The following MYT1L variants were observed in gnomAD, a reference collection of about 807,000 sequenced individuals.
MYT1L encodes the protein myelin transcription factor 1 like.
Under a neutral mutation model 126.7 loss-of-function variants are expected in MYT1L, and 12 were observed. That is an observed-to-expected ratio of 0.09 (90% CI 0.06 to 0.15). MYT1L has a LOEUF of 0.15. Ranked by LOEUF, MYT1L falls within the 10% of genes least tolerant of loss-of-function variation. The probability of loss-of-function intolerance (pLI) is 1.00; values close to 1 mark genes in which losing one functional copy is unlikely to be tolerated. For missense variants in MYT1L, 979 were observed against 1,585.2 expected, an observed-to-expected ratio of 0.62 and a Z score of 6.49; for synonymous variants, 541 against 604.2, an observed-to-expected ratio of 0.90 and a Z score of 1.53.
chr2:2,168,723 G>T (rs1243876577), intron 3 of MYT1L, among the ~76,000 whole-genome samples: 1 of 152,078 alleles, frequency 6.6e-6, no homozygotes. Flanking sequence ...CCCTGAGCGT[G>T]TTTTACTCCA....
intron 3 of MYT1L, among the ~76,000 whole-genome samples, chr2:2,062,675 A>G (rs539875058): frequency 1.3e-5 from 2 of 152,292 alleles, no homozygotes; most frequent in South Asian, 4.2e-4. Context: ...TTGTCTTGAC[A>G]CCCAACTAAT....
chr2:2,045,357 A>C (rs558361263), intron 4 of MYT1L, among the ~76,000 whole-genome samples: 1 of 152,346 alleles, frequency 6.6e-6, no homozygotes, highest in Admixed American at 6.5e-5. Context: ...GTGCTGAAAC[A>C]GCAAGCCTCC....
At position 1,865,253 on chromosome 2, in the gene MYT1L, G is replaced by A. The variant is rs1369072666; in HGVS notation, c.2712-13550C>T. Among the ~76,000 whole-genome samples, 6 of 152,270 alleles carry A rather than the reference G, an allele frequency of 3.9e-5. No homozygotes were observed. The South Asian group carries it at 6.2e-4, about 16-fold the overall frequency. On this transcript the variant is annotated intron_variant, in intron 18 of 24. Transcript: ENST00000647738. ...GCACTGGATGTGAGAGGGGGCTGACGGGGCTGAGGGACACCCCCTCCAGCC... is the reference window on the plus strand; with the variant it reads ...GCACTGGATGTGAGAGGGGGCTGACAGGGCTGAGGGACACCCCCTCCAGCC...
intron 18 of MYT1L, among the ~76,000 whole-genome samples, chr2:1,874,976 C>T (rs2046719150): frequency 6.6e-6 from 1 of 152,186 alleles, no homozygotes; most frequent in African/African-American, 2.4e-5. Flanking sequence ...CCGTGGTCCT[C>T]CCTCCAGAGT....
intron 18 of MYT1L, among the ~76,000 whole-genome samples, chr2:1,853,600 T>C (rs182390645): frequency 1.3e-5 from 2 of 152,344 alleles, no homozygotes; most frequent in Admixed American, 6.5e-5. Flanking sequence ...TCGTGGTGCA[T>C]GTATCTGTAT....
intron 4 of MYT1L, among the ~76,000 whole-genome samples, chr2:2,043,020 A>G (rs578121287): frequency 6.6e-6 from 1 of 152,224 alleles, no homozygotes; most frequent in African/African-American, 2.4e-5. Flanking sequence ...CTGTTTCCCT[A>G]AAACTTGTCA....
intron 11 of MYT1L, among the ~76,000 whole-genome samples, chr2:1,915,086 C>A (rs1027527529): frequency 6.6e-6 from 1 of 152,136 alleles, no homozygotes; most frequent in Non-Finnish European, 1.5e-5. Flanking sequence ...TGGGAGCTCT[C>A]TGAGGGCCAG....
At chr2:2,190,811 G>A (rs1433297173) in intron 2 of MYT1L, among the ~76,000 whole-genome samples, 1 of 152,160 alleles carries the variant, frequency 6.6e-6, no homozygotes, top group Non-Finnish European at 1.5e-5. Context: ...TTAAGACAGA[G>A]TTTCACTCTT....
intron 18 of MYT1L, among the ~76,000 whole-genome samples, chr2:1,883,129 C>G (rs2047770382): frequency 6.6e-6 from 1 of 152,164 alleles, no homozygotes; most frequent in Non-Finnish European, 1.5e-5. Context: ...GTTCTTTTTC[C>G]TACAAGGAGT....
chr2:1,952,537 T>C (rs114142357), intron 8 of MYT1L, among the ~76,000 whole-genome samples: 2 of 151,910 alleles, frequency 1.3e-5, no homozygotes, highest in African/African-American at 4.8e-5. Flanking sequence ...GATTGTTTCT[T>C]ATATGTCTAT....
chr2:1,877,263 C>T (rs2047024728), intron 18 of MYT1L, among the ~76,000 whole-genome samples: 1 of 152,120 alleles, frequency 6.6e-6, no homozygotes, highest in Non-Finnish European at 1.5e-5. Context: ...AACACATTTT[C>T]CCCGAAATAT....
intron 8 of MYT1L, among the ~76,000 whole-genome samples, chr2:1,964,265 CCAAA>C (rs1452213123): frequency 2.6e-5 from 4 of 152,142 alleles, no homozygotes; most frequent in South Asian, 2.1e-4. Context: ...CCTGGTGTCC[CCAAA>C]CAATCACAGT....
chr2:2,275,480 G>T (rs959651254), intron 2 of MYT1L, among the ~76,000 whole-genome samples: 2 of 152,110 alleles, frequency 1.3e-5, no homozygotes, highest in Admixed American at 6.5e-5. Flanking sequence ...AGTGCCCCCA[G>T]TTGGGCGATT....
At chr2:2,025,310 C>T (rs2065427446) in intron 4 of MYT1L, among the ~76,000 whole-genome samples, 1 of 152,218 alleles carries the variant, frequency 6.6e-6, no homozygotes, top group Admixed American at 6.5e-5. Context: ...CAAACAGTTA[C>T]ACATAGCCTC....
intron 2 of MYT1L, among the ~76,000 whole-genome samples, chr2:2,183,628 C>T (rs778860737): frequency 3.9e-5 from 6 of 152,172 alleles, no homozygotes; most frequent in Admixed American, 6.5e-5. Flanking sequence ...ACATATTCTT[C>T]ATAGTTGCAG....
At chr2:2,323,580 T>C (rs1195047362) in intron 1 of MYT1L, among the ~76,000 whole-genome samples, 4 of 152,184 alleles carry the variant, frequency 2.6e-5, no homozygotes, top group African/African-American at 9.6e-5. Context: ...ATTGCAGTAG[T>C]ACAGTCACAG....
chr2:1,861,683 G>GGCCTGTGTAATCCTGGATCCTCCTACA (rs2044645850), intron 18 of MYT1L, among the ~76,000 whole-genome samples: 1 of 86,352 alleles, frequency 1.2e-5, no homozygotes, highest in African/African-American at 4.5e-5. Flanking sequence ...ATCCTCCTAC[G>GGCCTGTGTAATCCTGGATCCTCCTACA]GCCTGTGTAA....
chr2:2,158,712 AC>A (rs1353835649), intron 3 of MYT1L, among the ~76,000 whole-genome samples: 9 of 151,938 alleles, frequency 5.9e-5, no homozygotes, highest in African/African-American at 1.7e-4. Flanking sequence ...GTACACACAC[AC>A]ACACACACAC....
At chr2:1,876,724 G>A (rs747048281) in intron 18 of MYT1L, among the ~76,000 whole-genome samples, 13 of 152,242 alleles carry the variant, frequency 8.5e-5, no homozygotes, top group African/African-American at 1.7e-4. Context: ...GCAAGACATC[G>A]GGGAGATTTG....
Sources: allele counts gnomAD v4.1 joint callset (sites outside exome capture counted in the v4.1 genomes callset), GRCh38; gene constraint gnomAD v4.1.1; transcripts MANE v1.5; gene names NCBI Gene and HGNC (gene_info 2026-07-23, HGNC 2026-07-21).